The following ZC3H12B variants were observed in gnomAD, a reference collection of about 807,000 sequenced individuals.
The protein encoded by ZC3H12B is probable ribonuclease ZC3H12B.
ZC3H12B carries 7 observed loss-of-function variants against 43.9 expected under a neutral mutation model. That is an observed-to-expected ratio of 0.16 (90% CI 0.09 to 0.30). The LOEUF is 0.30. ZC3H12B is among the 10% of genes least tolerant of loss of function. ZC3H12B has a pLI of 1.00. For missense variants in ZC3H12B, 475 were observed against 670.2 expected (o/e 0.71, Z 3.22); for synonymous variants, 222 against 241.7 (o/e 0.92, Z 0.76).
chrX:65,493,755 A>G (rs1476304540), intron 1 of ZC3H12B, among the ~76,000 whole-genome samples: 1 of 111,741 alleles, frequency 8.9e-6, no homozygotes, highest in Non-Finnish European at 1.9e-5. Flanking sequence ...TGTCACCAAG[A>G]TACTCCGTGA....
intron 3 of ZC3H12B, among the ~76,000 whole-genome samples, chrX:65,420,434 C>A (rs756874642): frequency 8.9e-6 from 1 of 112,321 alleles, no homozygotes; most frequent in Non-Finnish European, 1.9e-5. Context: ...AGATAGTCCA[C>A]CCAGAATCTG....
the ZC3H12B span, among the ~76,000 whole-genome samples, chrX:65,238,019 GTTTTC>G: frequency 9.0e-6 from 1 of 111,273 alleles, no homozygotes; most frequent in Non-Finnish European, 1.9e-5. Context: ...TTGGCCTGAA[GTTTTC>G]TTTTATCTCT....
the ZC3H12B span, among the ~76,000 whole-genome samples, chrX:65,298,488 T>C: frequency 9.0e-6 from 1 of 111,640 alleles, no homozygotes; most frequent in Non-Finnish European, 1.9e-5. Flanking sequence ...TACCAGAGGA[T>C]ACTAGGAAAA....
chrX:65,254,464 C>A, the ZC3H12B span, among the ~76,000 whole-genome samples: 1 of 112,452 alleles, frequency 8.9e-6, no homozygotes, highest in Admixed American at 9.4e-5. Flanking sequence ...ATCTGATAAA[C>A]ACTTCCAGAA....
the ZC3H12B span, among the ~76,000 whole-genome samples, chrX:65,095,553 G>A: frequency 9.0e-6 from 1 of 111,333 alleles, no homozygotes; most frequent in African/African-American, 3.3e-5. Flanking sequence ...AGGAAAACCT[G>A]AACAAAGAAC....
At chrX:65,201,820 G>T in the ZC3H12B span, among the ~76,000 whole-genome samples, 4 of 107,151 alleles carry the variant, frequency 3.7e-5, no homozygotes, top group African/African-American at 1.4e-4. Flanking sequence ...ACAGGTAATT[G>T]AATCATAGGG....
intron 3 of ZC3H12B, among the ~76,000 whole-genome samples, chrX:65,454,194 C>T (rs988256815): frequency 8.9e-6 from 1 of 112,775 alleles, no homozygotes; most frequent in Non-Finnish European, 1.9e-5. Flanking sequence ...GGCGAGGCAT[C>T]ACCTCACCTG....
At chrX:65,113,700 C>A in the ZC3H12B span, among the ~76,000 whole-genome samples, 1 of 110,027 alleles carries the variant, frequency 9.1e-6, no homozygotes, top group African/African-American at 3.3e-5. Context: ...GGAACCACCA[C>A]GCTGATCAGT....
chrX:65,214,687 ATC>A, the ZC3H12B span, among the ~76,000 whole-genome samples: 1 of 110,776 alleles, frequency 9.0e-6, no homozygotes, highest in East Asian at 2.9e-4. Context: ...ACTCACCTAA[ATC>A]TCTGTTAATG....
chrX:65,206,346 A>G, the ZC3H12B span, among the ~76,000 whole-genome samples: 1 of 112,057 alleles, frequency 8.9e-6, no homozygotes, highest in Admixed American at 9.5e-5. Flanking sequence ...TAGAGAACAC[A>G]GAAATAAAGC....
chrX:65,093,235 T>A, the ZC3H12B span, among the ~76,000 whole-genome samples: 1 of 111,972 alleles, frequency 8.9e-6, no homozygotes. Flanking sequence ...AAAGCTTGGA[T>A]GTCTAGGTGG....
At chrX:65,459,743 C>A (rs1388526582) in intron 3 of ZC3H12B, among the ~76,000 whole-genome samples, 1 of 111,554 alleles carries the variant, frequency 9.0e-6, no homozygotes, top group Non-Finnish European at 1.9e-5. Flanking sequence ...AACCCCACAG[C>A]CAATATCATA....
the ZC3H12B span, among the ~76,000 whole-genome samples, chrX:65,336,114 A>G: frequency 8.9e-6 from 1 of 112,356 alleles, no homozygotes; most frequent in Non-Finnish European, 1.9e-5. Context: ...AAAGTACAAC[A>G]TATTCACTAC....
At chrX:65,058,548 G>A in the ZC3H12B span, among the ~76,000 whole-genome samples, 1 of 112,167 alleles carries the variant, frequency 8.9e-6, no homozygotes, top group Non-Finnish European at 1.9e-5. Context: ...GAGGCAGTCT[G>A]TCTGTTCTCA....
the ZC3H12B span, among the ~76,000 whole-genome samples, chrX:65,346,163 G>A: frequency 9.2e-6 from 1 of 108,643 alleles, no homozygotes; most frequent in Admixed American, 9.9e-5. Context: ...AATGGCCAAA[G>A]CAATGCTAAG....
chrX:65,211,088 G>A, the ZC3H12B span, among the ~76,000 whole-genome samples: 491 of 62,937 alleles, frequency 7.8e-3, 2 homozygotes, highest in African/African-American at 0.018. Context: ...AAAAAAGAAA[G>A]AAAAAAAAAA....
At chrX:65,153,603 G>C in the ZC3H12B span, among the ~76,000 whole-genome samples, 1 of 111,925 alleles carries the variant, frequency 8.9e-6, no homozygotes, top group Non-Finnish European at 1.9e-5. Flanking sequence ...AGGATGTGGA[G>C]AAATAGGAAC....
At chrX:65,194,714 A>G in the ZC3H12B span, among the ~76,000 whole-genome samples, 2 of 112,130 alleles carry the variant, frequency 1.8e-5, no homozygotes, top group African/African-American at 6.5e-5. Context: ...CAGATTAACT[A>G]CAATGTTCGT....
chrX:65,201,874 G>T, the ZC3H12B span, among the ~76,000 whole-genome samples: 1 of 105,806 alleles, frequency 9.5e-6, no homozygotes, highest in Non-Finnish European at 1.9e-5. Flanking sequence ...GTTCTCAGGA[G>T]ATCTGATGCT....
Sources: allele counts gnomAD v4.1 joint callset (sites outside exome capture counted in the v4.1 genomes callset), GRCh38; gene constraint gnomAD v4.1.1; transcripts MANE v1.5; gene names NCBI Gene and HGNC (gene_info 2026-07-23, HGNC 2026-07-21).